Variants in GLT8D2 observed in about 807,000 individuals in gnomAD.
GLT8D2 encodes the protein glycosyltransferase 8 domain containing 2.
Under a neutral mutation model 44.5 loss-of-function variants are expected in GLT8D2, and 45 were observed. The observed-to-expected ratio is 1.01, with a 90% CI of 0.80 to 1.30. The LOEUF (loss-of-function observed/expected upper bound fraction) is 1.30, where lower values mean the gene tolerates loss of function less well. Among genes scored for constraint, GLT8D2 ranks in the 50% most tolerant of loss-of-function variants. GLT8D2 has a pLI of 0.00. For missense variants in GLT8D2, 400 were observed against 430.4 expected (o/e 0.93, Z 0.62); for synonymous variants, 156 against 157.2 (o/e 0.99, Z 0.06).
At chr12:104,027,046 A>G (rs538402075) in intron 1 of GLT8D2, among the ~76,000 whole-genome samples, 2 of 152,244 alleles carry the variant, frequency 1.3e-5, no homozygotes, top group African/African-American at 4.8e-5. Context: ...GCTGGCAGTC[A>G]TCTAGGAAAA....
chr12:104,032,758 T>A (rs889562820), intron 1 of GLT8D2, among the ~76,000 whole-genome samples: 3 of 152,038 alleles, frequency 2.0e-5, no homozygotes, highest in South Asian at 2.1e-4. Flanking sequence ...TATGGAGGTC[T>A]CTCAAAAAAT....
chr12:103,993,327 T>C (rs1377760971), intron 10 of GLT8D2, 65 bp downstream of exon 10: 4 of 1,273,204 alleles, frequency 3.1e-6, no homozygotes, highest in Non-Finnish European at 4.5e-6. Context: ...CGAGACTCTG[T>C]CTCAAAAATA....
rs76127401 is a variant in GLT8D2, at chr12:103,994,629, T to C, written c.601-128A>G. On this transcript the variant is annotated intron_variant, in intron 8 of 10. Coordinates refer to ENST00000360814, the MANE Select transcript of GLT8D2 (RefSeq NM_001384711.1). ...CTGTGTCACTGGCCACTGGGTAGTT[T>C]GTTGTTTTTGTTTTGTTTTGCTGGT... 7.6e-4 allele frequency: 570 copies of C among 750,272 alleles called. 11 individuals carry two copies. The East Asian group carries it at 0.015, about 20-fold the overall frequency. 46.5% of individuals were successfully genotyped at this position (750,272 alleles called of 1,614,324 possible).
rs566059570 is a variant in GLT8D2, at chr12:104,038,748, C to T, written c.-164+11147G>A. Among the ~76,000 whole-genome samples the T allele has an allele frequency of 2.9e-3, 438 of 152,226 alleles. 1 individual carries two copies. Among genetic ancestry groups the T allele is most frequent in the Non-Finnish European group, 3.6e-3 (245 of 68,002 alleles). ...AGGTAACTTATAGATTCAATGCCAT[C>T]CCCATCAAGCTACCAATGACTTTCT... On this transcript the variant is annotated intron_variant, in intron 1 of 10. Transcript: ENST00000360814.
At chr12:104,037,166 G>C (rs1566209501) in intron 1 of GLT8D2, among the ~76,000 whole-genome samples, 1 of 152,220 alleles carries the variant, frequency 6.6e-6, no homozygotes, top group Admixed American at 6.5e-5. Flanking sequence ...TTAAAGCAGT[G>C]TGTAGAGGGA....
At chr12:104,018,861 T>C (rs1877242336) in intron 3 of GLT8D2, among the ~76,000 whole-genome samples, 2 of 152,238 alleles carry the variant, frequency 1.3e-5, no homozygotes, top group Admixed American at 6.5e-5. Context: ...AACTCTACCC[T>C]GAGGGTCACA....
intron 1 of GLT8D2, among the ~76,000 whole-genome samples, chr12:104,034,402 C>G (rs1879699925): frequency 6.6e-6 from 1 of 152,252 alleles, no homozygotes; most frequent in Non-Finnish European, 1.5e-5. Flanking sequence ...GAAGCTGTGA[C>G]AGACTTTACC....
intron 4 of GLT8D2, chr12:104,014,408 A>T (rs1401201954): frequency 4.9e-6 from 3 of 614,154 alleles, no homozygotes; most frequent in Non-Finnish European, 8.8e-6. Context: ...CCTGATTTTT[A>T]TGGAGGTTGA....
At chr12:104,020,164 C>T (rs1268754878) in intron 2 of GLT8D2, among the ~76,000 whole-genome samples, 2 of 152,034 alleles carry the variant, frequency 1.3e-5, no homozygotes, top group African/African-American at 2.4e-5. Flanking sequence ...TCAAGCAATC[C>T]ATCCATCTTA....
intron 1 of GLT8D2, among the ~76,000 whole-genome samples, chr12:104,025,690 A>G (rs55997300): frequency 0.12 from 19,023 of 152,188 alleles, 1,364 homozygotes; most frequent in East Asian, 0.31. Flanking sequence ...ATCTTTTAGC[A>G]TATGGTTATC....
chr12:104,005,797 G>T (rs1425453755), intron 4 of GLT8D2, among the ~76,000 whole-genome samples: 1 of 152,220 alleles, frequency 6.6e-6, no homozygotes, highest in South Asian at 2.1e-4. Context: ...ACTGTAAACT[G>T]GTTCAACCAT....
chr12:104,050,985 T>C (rs1881666324), upstream of GLT8D2, among the ~76,000 whole-genome samples: 1 of 152,112 alleles, frequency 6.6e-6, no homozygotes, highest in Non-Finnish European at 1.5e-5. Flanking sequence ...CAGCTAATTT[T>C]TGTATTTTTA....
intron 4 of GLT8D2, chr12:104,012,656 T>G: frequency 2.0e-6 from 1 of 512,226 alleles, no homozygotes; most frequent in Non-Finnish European, 3.4e-6. Flanking sequence ...TTTAGAACAG[T>G]TTATTGAGGT....
intron 4 of GLT8D2, 104 bp from the exon 5 acceptor site, chr12:104,003,410 G>C: frequency 4.1e-6 from 4 of 970,284 alleles, no homozygotes; most frequent in Non-Finnish European, 6.2e-6. Context: ...TAGTGTGGAA[G>C]AGACTGCTGA....
chr12:104,020,763 C>T (rs940883554), intron 2 of GLT8D2, among the ~76,000 whole-genome samples: 1 of 152,012 alleles, frequency 6.6e-6, no homozygotes, highest in Non-Finnish European at 1.5e-5. Flanking sequence ...GAGGAGCATC[C>T]CAGGCAGAGG....
At chr12:104,031,630 A>C in intron 1 of GLT8D2, 1 of 1,356,572 alleles carries the variant, frequency 7.4e-7, no homozygotes, top group Admixed American at 1.9e-5. Context: ...TGTCACACTG[A>C]CCACATCTGT....
chr12:104,036,501 G>A (rs548406367), intron 1 of GLT8D2, among the ~76,000 whole-genome samples: 8 of 152,144 alleles, frequency 5.3e-5, no homozygotes, highest in African/African-American at 1.9e-4. Context: ...AAAAAAGCAG[G>A]GGCTGCAATC....
chr12:103,998,988 A>T (rs981334319), intron 6 of GLT8D2, among the ~76,000 whole-genome samples: 1 of 152,212 alleles, frequency 6.6e-6, no homozygotes, highest in African/African-American at 2.4e-5. Flanking sequence ...TATATAATCC[A>T]TCATACTACT....
intron 1 of GLT8D2, among the ~76,000 whole-genome samples, chr12:104,063,139 A>C (rs990603249): frequency 6.6e-6 from 1 of 152,208 alleles, no homozygotes; most frequent in African/African-American, 2.4e-5. Flanking sequence ...ATTGTCTTCC[A>C]TGAAACCGGT....
Sources: allele counts gnomAD v4.1 joint callset (sites outside exome capture counted in the v4.1 genomes callset), GRCh38; gene constraint gnomAD v4.1.1; transcripts MANE v1.5; gene names NCBI Gene and HGNC (gene_info 2026-07-23, HGNC 2026-07-21).